The following CFAP300 variants were observed in gnomAD, a reference collection of about 807,000 sequenced individuals.
The protein encoded by CFAP300 is cilia and flagella associated protein 300, also known as cilia- and flagella-associated protein 300.
A neutral mutation model predicts 33.0 loss-of-function variants in CFAP300; 32 were observed. That is an observed-to-expected ratio of 0.97 (90% CI 0.73 to 1.30). CFAP300 has a LOEUF of 1.30. Ranked by LOEUF, CFAP300 falls within the 50% of genes most tolerant of loss-of-function variation. The pLI is 0.00. For synonymous variants in CFAP300, 102 were observed against 106.8 expected (o/e 0.95, Z 0.28); for missense variants, 356 against 318.1 (o/e 1.12, Z -0.90).
rs138943540 is a variant in CFAP300, at chr11:102,066,409, C to T, written c.269-76C>T. 5.4e-3 allele frequency: 5,303 copies of T among 976,408 alleles called. 31 individuals carry two copies. Among genetic ancestry groups the T allele is most frequent in the Non-Finnish European group, 6.8e-3 (4,626 of 682,218 alleles). The allele number at this position is 976,408 out of a possible 1,614,324, so 60.5% of individuals were successfully genotyped here. ...TTAACTTCTTAGAATTTCTGCATAG[C>T]GATTTATTTTGGAAATAGTTGAGAA... On this transcript the variant is annotated intron_variant, in intron 3 of 6. Coordinates refer to ENST00000434758, the MANE Select transcript of CFAP300 (RefSeq NM_032930.3).
intron 5 of CFAP300, among the ~76,000 whole-genome samples, chr11:102,078,746 T>C (rs543962525): frequency 6.6e-6 from 1 of 152,304 alleles, no homozygotes; most frequent in East Asian, 1.9e-4. Context: ...TCTCACTCTA[T>C]CGCCCAGGCT....
chr11:102,066,565 G>T lies in CFAP300; in HGVS notation c.349G>T (p.Glu117Ter). 6.2e-7 allele frequency: 1 copy of T among 1,611,850 alleles called. No individual in the cohort carries two copies. Among genetic ancestry groups the T allele is most frequent in the African/African-American group, 1.3e-5 (1 of 74,960 alleles). Residue 117 changes from glutamate (E) to a stop codon, truncating the protein, a stop_gained, in exon 4 of 7, where the codon GAA becomes TAA. Coordinates refer to ENST00000434758, the MANE Select transcript of CFAP300 (RefSeq NM_032930.3). LOFTEE classifies it high-confidence loss of function. ...SMSFFHRLYD[E>*]DIVRDSGHIV... ...GTCATTTTTTCATCGGTTATATGAT[G>T]AAGATATTGTACGAGACAGTGGACA...
At chr11:102,053,066 A>G (rs1490633705) in intron 2 of CFAP300, among the ~76,000 whole-genome samples, 2 of 151,728 alleles carry the variant, frequency 1.3e-5, no homozygotes, top group Non-Finnish European at 2.9e-5. Context: ...TGTCTCTACT[A>G]AAAAACACAA....
chr11:102,081,283 T>G lies in CFAP300; in HGVS notation c.675+2T>G. 1 of 1,611,264 alleles carries G rather than the reference T, an allele frequency of 6.2e-7. No homozygotes were observed. Among genetic ancestry groups the G allele is most frequent in the Non-Finnish European group, 8.5e-7 (1 of 1,178,686 alleles). On this transcript the variant is annotated splice_donor_variant, in intron 6 of 6. Coordinates refer to ENST00000434758, the MANE Select transcript of CFAP300 (RefSeq NM_032930.3). LOFTEE classifies it high-confidence loss of function. ...TCTGTCTTTAAAGTTTCAGCTTATGTAAGTGTGAGAGAACTTTTGCAACCA... is the reference window on the plus strand; with the variant it reads ...TCTGTCTTTAAAGTTTCAGCTTATGGAAGTGTGAGAGAACTTTTGCAACCA...
intron 2 of CFAP300, among the ~76,000 whole-genome samples, chr11:102,056,849 T>C (rs557013580): frequency 6.6e-6 from 1 of 151,916 alleles, no homozygotes; most frequent in South Asian, 2.1e-4. Flanking sequence ...GATCTTGAAC[T>C]CCTGGCCTCA....
At chr11:102,073,319 G>A (rs1298929334) in intron 4 of CFAP300, among the ~76,000 whole-genome samples, 3 of 152,182 alleles carry the variant, frequency 2.0e-5, no homozygotes, top group Non-Finnish European at 2.9e-5. Flanking sequence ...AAGTATGGGT[G>A]GGTTCCAGCT....
At chr11:102,060,903 T>G (rs1276785718) in intron 3 of CFAP300, among the ~76,000 whole-genome samples, 1 of 152,136 alleles carries the variant, frequency 6.6e-6, no homozygotes, top group Non-Finnish European at 1.5e-5. Context: ...CTTACAAAAT[T>G]AAACTGAGTA....
intron 4 of CFAP300, among the ~76,000 whole-genome samples, chr11:102,069,398 A>G (rs1333726867): frequency 6.6e-6 from 1 of 152,206 alleles, no homozygotes; most frequent in Non-Finnish European, 1.5e-5. Context: ...GACCTCTAAG[A>G]GCTACGTAGC....
chr11:102,070,747 C>T (rs530523699), intron 4 of CFAP300, among the ~76,000 whole-genome samples: 1 of 152,132 alleles, frequency 6.6e-6, no homozygotes, highest in African/African-American at 2.4e-5. Flanking sequence ...ATTATATTTC[C>T]ATTTTTATTT....
At chr11:102,061,315 C>G (rs987159523) in intron 3 of CFAP300, among the ~76,000 whole-genome samples, 1 of 151,922 alleles carries the variant, frequency 6.6e-6, no homozygotes, top group East Asian at 1.9e-4. Context: ...TGAAATACCC[C>G]CCTCTTATTT....
intron 3 of CFAP300, among the ~76,000 whole-genome samples, chr11:102,061,897 T>A (rs1056554332): frequency 6.6e-6 from 1 of 152,216 alleles, no homozygotes; most frequent in Non-Finnish European, 1.5e-5. Context: ...ATTACATGTC[T>A]TATAAATGCT....
intron 5 of CFAP300, among the ~76,000 whole-genome samples, chr11:102,077,371 C>T (rs1942411252): frequency 6.6e-6 from 1 of 152,206 alleles, no homozygotes; most frequent in African/African-American, 2.4e-5. Flanking sequence ...AGTGTCTAAC[C>T]TGCCCTTGCA....
intron 3 of CFAP300, among the ~76,000 whole-genome samples, chr11:102,065,083 A>G (rs1407102445): frequency 6.6e-6 from 1 of 152,168 alleles, no homozygotes; most frequent in Non-Finnish European, 1.5e-5. Context: ...AATACTATAA[A>G]TGAGATCCCA....
At chr11:102,076,126 A>T (rs1040011315) in intron 5 of CFAP300, 81 bp downstream of exon 5, 1 of 1,440,088 alleles carries the variant, frequency 6.9e-7, no homozygotes, top group South Asian at 1.6e-5. Flanking sequence ...ATTACACAAC[A>T]TCATTCAGTG....
intron 5 of CFAP300, 57 bp from the exon 6 acceptor site, chr11:102,081,158 A>G (rs907864190): frequency 1.6e-6 from 2 of 1,236,558 alleles, no homozygotes; most frequent in Middle Eastern, 2.2e-4. Flanking sequence ...ATCATTACTT[A>G]AATGTATATG....
rs759047947 is a variant in CFAP300, at chr11:102,075,979, G to C, written c.542G>C (p.Cys181Ser). 1 of 1,613,798 alleles carries C rather than the reference G, an allele frequency of 6.2e-7. No individual in the cohort carries two copies. The highest frequency in any genetic ancestry group is 1.7e-5 in the Admixed American group (1 of 59,998). ...FKHLCLGGAL[C>S]QYEDVISPYL... is the part of the protein sequence containing the mutation. Reference sequence around the variant, plus strand: ...CATCTTTGCCTTGGTGGAGCCCTTTGTCAATATGAGGATGTGATTAGCCCA... The same window carrying C: ...CATCTTTGCCTTGGTGGAGCCCTTTCTCAATATGAGGATGTGATTAGCCCA... Residue 181 changes from cysteine (C) to serine (S), a missense_variant, in exon 5 of 7, where the codon TGT (cysteine) becomes TCT (serine). By Grantham distance (112) the Cys-to-Ser change is moderately radical. Coordinates refer to ENST00000434758, the MANE Select transcript of CFAP300 (RefSeq NM_032930.3).
intron 4 of CFAP300, 75 bp downstream of exon 4, chr11:102,066,726 C>T (rs1942233320): frequency 2.5e-5 from 33 of 1,295,334 alleles, no homozygotes; most frequent in Non-Finnish European, 3.3e-5. Flanking sequence ...ACTTTGCCTG[C>T]TTAAAGCATA....
intron 6 of CFAP300, among the ~76,000 whole-genome samples, chr11:102,082,150 A>G (rs7129562): frequency 0.54 from 81,463 of 151,600 alleles, 22,702 homozygotes; most frequent in East Asian, 0.75. Context: ...TTGAGAGGGC[A>G]GATCACTTGA....
chr11:102,078,489 T>C (rs985492874), intron 5 of CFAP300, among the ~76,000 whole-genome samples: 3 of 152,192 alleles, frequency 2.0e-5, no homozygotes, highest in Admixed American at 6.5e-5. Flanking sequence ...TCACTTTATA[T>C]TTCCTTTTCC....
Sources: gnomAD v4.1 joint callset for allele counts (sites outside exome capture counted in the v4.1 genomes callset) on GRCh38, gnomAD v4.1.1 for gene constraint, MANE v1.5 for transcripts, NCBI Gene and HGNC (gene_info 2026-07-23, HGNC 2026-07-21) for gene names.